The following NEB variants were observed in gnomAD, a reference collection of about 807,000 sequenced individuals.
NEB encodes the protein nemaline myopathy type 2.
NEB carries 512 observed loss-of-function variants against 952.2 expected under a neutral mutation model. That is an observed-to-expected ratio of 0.54 (90% CI 0.50 to 0.58). The LOEUF (loss-of-function observed/expected upper bound fraction) is 0.58, where lower values mean the gene tolerates loss of function less well. Among genes scored for constraint, NEB ranks in the 20% least tolerant of loss-of-function variants. The probability of loss-of-function intolerance (pLI) is 0.00; values close to 1 mark genes in which losing one functional copy is unlikely to be tolerated. For synonymous variants in NEB, 2,900 were observed against 3,149.8 expected, an observed-to-expected ratio of 0.92 and a Z score of 2.66; for missense variants, 8,428 against 9,231.1, an observed-to-expected ratio of 0.91 and a Z score of 3.56.
intron 125 of NEB, 109 bp from the exon 126 acceptor site, chr2:151,554,134 G>T: frequency 1.1e-6 from 1 of 941,126 alleles, no homozygotes; most frequent in Non-Finnish European, 1.7e-6. Context: ...TGGGGGCAGG[G>T]CAGTGACTGG....
At position 151,672,478 on chromosome 2, in the gene NEB, T is replaced by C. The variant is rs1443215241; in HGVS notation, c.4190A>G (p.Gln1397Arg). 2 of 1,613,920 alleles carry C rather than the reference T, an allele frequency of 1.2e-6. No individual in the cohort carries two copies. Among genetic ancestry groups the C allele is most frequent in the Non-Finnish European group, 1.7e-6 (2 of 1,179,882 alleles). Residue 1397 changes from glutamine (Q) to arginine (R), a missense_variant, in exon 37 of 182, where the codon CAG becomes CGG. This residue lies in a region of NEB where 2,851 missense variants were observed against 2,791.5 expected (regional missense o/e 1.02). Transcript: ENST00000397345. Reference sequence around the variant, plus strand: ...GTAGTTGACATTGGTAGCGACATCCTGGGCCATCTTTGCAGCTGTGATGCT... The same window carrying C: ...GTAGTTGACATTGGTAGCGACATCCCGGGCCATCTTTGCAGCTGTGATGCT... ...MVSITAAKMA[Q>R]DVATNVNYKQ...
intron 4 of NEB, among the ~76,000 whole-genome samples, chr2:151,728,300 G>A (rs1348461646): frequency 1.3e-5 from 2 of 152,104 alleles, no homozygotes; most frequent in Non-Finnish European, 2.9e-5. Flanking sequence ...GGAACAAAAG[G>A]TTAAGATAAT....
intron 63 of NEB, among the ~76,000 whole-genome samples, chr2:151,638,441 C>T (rs1196834512): frequency 6.6e-6 from 1 of 152,208 alleles, no homozygotes; most frequent in Non-Finnish European, 1.5e-5. Flanking sequence ...GTGAAGGTGG[C>T]AGGGGAGGCA....
chr2:151,518,696 C>T (rs919307748), intron 155 of NEB, among the ~76,000 whole-genome samples: 2 of 152,088 alleles, frequency 1.3e-5, no homozygotes, highest in Admixed American at 6.6e-5. Flanking sequence ...GAGGGTATTT[C>T]TATGTCCTTA....
intron 135 of NEB, among the ~76,000 whole-genome samples, chr2:151,545,490 G>A (rs995931773): frequency 1.3e-5 from 2 of 152,012 alleles, no homozygotes; most frequent in African/African-American, 4.8e-5. Context: ...CAGGAGAATC[G>A]CATGAACCCA....
At chr2:151,675,134 G>A (rs754252102) in intron 35 of NEB, among the ~76,000 whole-genome samples, 153 bp downstream of exon 35, 5 of 152,196 alleles carry the variant, frequency 3.3e-5, no homozygotes, top group Non-Finnish European at 7.3e-5. Flanking sequence ...AAGGCCAACT[G>A]AAGAGGTAAA....
chr2:151,507,054 T>A, intron 162 of NEB, 41 bp from the exon 163 acceptor site: 1 of 1,232,518 alleles, frequency 8.1e-7, no homozygotes, highest in South Asian at 1.2e-5. Flanking sequence ...ATTTCAACAT[T>A]GCTTTGTTTT....
At chr2:151,719,011 C>G (rs2099766982) in intron 9 of NEB, among the ~76,000 whole-genome samples, 1 of 152,120 alleles carries the variant, frequency 6.6e-6, no homozygotes, top group South Asian at 2.1e-4. Context: ...CTCCATGGCT[C>G]AGGACACCAT....
At position 151,547,688 on chromosome 2, in the gene NEB, A is replaced by G; in HGVS notation, c.20208T>C (p.Thr6736=). Residue 6736 remains threonine, a synonymous_variant, in exon 132 of 182, where the codon ACT becomes ACC. Transcript: ENST00000397345. The part of the protein sequence containing the change: ...YHKLKDKIHT[T]PDTPEIRQVK... ...CTTGGCGGATCTCAGGGGTATCGGG[A>G]GTTGTATGGATCTTGTCTTTCAGTT... 2 of 1,613,690 alleles carry G rather than the reference A, an allele frequency of 1.2e-6. No individual in the cohort carries two copies. Among genetic ancestry groups the G allele is most frequent in the South Asian group, 2.2e-5 (2 of 91,052 alleles).
chr2:151,636,171 C>A, intron 64 of NEB, 56 bp downstream of exon 64: 5 of 1,398,810 alleles, frequency 3.6e-6, no homozygotes, highest in Non-Finnish European at 4.9e-6. Context: ...AGATTTAGTT[C>A]AGTGAAAATG....
intron 145 of NEB, 168 bp downstream of exon 145, chr2:151,530,826 G>A: frequency 1.8e-6 from 1 of 570,272 alleles, no homozygotes; most frequent in Non-Finnish European, 3.1e-6. Flanking sequence ...CTGTTCAGCT[G>A]TGTCCAGTCA....
intron 161 of NEB, among the ~76,000 whole-genome samples, chr2:151,510,650 C>G (rs1027129709): frequency 4.6e-5 from 7 of 152,098 alleles, no homozygotes; most frequent in Admixed American, 3.3e-4. Flanking sequence ...TATAATTGTT[C>G]TATTTTATTA....
intron 34 of NEB, among the ~76,000 whole-genome samples, chr2:151,675,723 T>C (rs1249213936): frequency 6.6e-6 from 1 of 152,162 alleles, no homozygotes; most frequent in East Asian, 1.9e-4. Context: ...AGTTAATAGC[T>C]CTTCCATTTT....
intron 17 of NEB, among the ~76,000 whole-genome samples, chr2:151,696,236 G>A (rs2099595091): frequency 6.6e-6 from 1 of 152,140 alleles, no homozygotes; most frequent in Non-Finnish European, 1.5e-5. Context: ...AATACCTGCT[G>A]TTGGCCAGGG....
chr2:151,562,105 C>T lies in NEB; in HGVS notation c.18996+5G>A. On this transcript the variant is annotated splice_donor_5th_base_variant and intron_variant, in intron 121 of 181. Transcript: ENST00000397345. Reference sequence around the variant, plus strand: ...AGAACCAGTCCTTCTAGGAAGGTGGCTCACCTGACTCTGAAGGTCGTATGA... The same window carrying T: ...AGAACCAGTCCTTCTAGGAAGGTGGTTCACCTGACTCTGAAGGTCGTATGA... The T allele has an allele frequency of 6.2e-7, 1 of 1,611,534 alleles. No homozygotes were observed. Among genetic ancestry groups the T allele is most frequent in the African/African-American group, 1.3e-5 (1 of 74,954 alleles).
intron 76 of NEB, 135 bp downstream of exon 76, chr2:151,615,867 T>C: frequency 1.4e-6 from 1 of 692,616 alleles, no homozygotes; most frequent in South Asian, 2.0e-5. Flanking sequence ...CCATTTACAA[T>C]TTTGTATAGG....
rs2080087184 is a variant in NEB at position 151,519,039 on chromosome 2, G to C, written c.22621C>G (p.His7541Asp). ...VKYKADLKKL[H>D]KPVTDMKESL... Reference sequence around the variant, plus strand: ...TCCTTCATGTCAGTCACGGGTTTGTGAAGTTTCTTCAGGTCAGCCTTGTAT... The same window carrying C: ...TCCTTCATGTCAGTCACGGGTTTGTCAAGTTTCTTCAGGTCAGCCTTGTAT... The change falls in exon 155 of 182, where the codon CAC (histidine) becomes GAC (aspartate). Residue 7541 changes from histidine (H) to aspartate (D), a missense_variant. His to Asp is a moderately conservative substitution (Grantham distance 81). Transcript: ENST00000397345. 2.5e-6 allele frequency: 4 copies of C among 1,613,472 alleles called. No homozygotes were observed. The highest frequency in any genetic ancestry group is 2.2e-5 in the South Asian group (2 of 91,066).
intron 80 of NEB, 67 bp from the exon 81 acceptor site, chr2:151,610,187 A>T: frequency 1.5e-6 from 2 of 1,317,338 alleles, no homozygotes; most frequent in Non-Finnish European, 2.1e-6. Context: ...TGACAATTAC[A>T]GACAACATGA....
chr2:151,491,665 CT>C lies in NEB; in HGVS notation c.25150+17del. On this transcript the variant is annotated intron_variant, in intron 179 of 181. Transcript: ENST00000397345. ...AAATGGTGATGTTTATGTTGTAAGC[CT>C]TTTTCAGCTAACACACCATTAATCA... The C allele has an allele frequency of 7.1e-6, 11 of 1,547,346 alleles. No homozygotes were observed. Among genetic ancestry groups the C allele is most frequent in the East Asian group, 2.3e-5 (1 of 42,784 alleles).
Sources: allele counts gnomAD v4.1 joint callset (sites outside exome capture counted in the v4.1 genomes callset), GRCh38; gene constraint gnomAD v4.1.1; regional missense constraint gnomAD v4.1.1; transcripts MANE v1.5; gene names NCBI Gene and HGNC (gene_info 2026-07-23, HGNC 2026-07-21).